FAM3B: variants seen among roughly 807,000 people sequenced by gnomAD.
FAM3B encodes FAM3 metabolism regulating signaling molecule B.
A neutral mutation model predicts 28.4 loss-of-function variants in FAM3B; 29 were observed. That is an observed-to-expected ratio of 1.02 (90% CI 0.76 to 1.39). The LOEUF is 1.39. FAM3B is among the 40% of genes most tolerant of loss of function. The probability of loss-of-function intolerance (pLI) is 0.00; values close to 1 mark genes in which losing one functional copy is unlikely to be tolerated. For missense variants in FAM3B, 266 were observed against 293.9 expected (o/e 0.91, Z 0.69); for synonymous variants, 91 against 103.0 (o/e 0.88, Z 0.71).
At position 41,323,048 on chromosome 21, in the gene FAM3B, G is replaced by C. The variant is rs1456561302; in HGVS notation, c.145G>C (p.Glu49Gln). 6.2e-7 allele frequency: 1 copy of C among 1,605,846 alleles called. No homozygotes were observed. Among genetic ancestry groups the C allele is most frequent in the South Asian group, 1.1e-5 (1 of 91,078 alleles). Residue 49 changes from glutamate to glutamine, a missense_variant, in exon 2 of 8, where the codon GAG becomes CAG. Transcript: ENST00000357985. The stretch of plus-strand genomic sequence containing the variant: ...TGCCTATAGCATCCGCAGCATCGGG[G>C]AGAGGCCTGTCCTCAAAGGTGAGTG... ...SAAYSIRSIG[E>Q]RPVLKAPVPK...
Position 41,320,086 on chromosome 21 carries a change from C to T in FAM3B, c.20-2837C>T, listed in dbSNP as rs192977646. 5 of 152,142 alleles carry T rather than the reference C, an allele frequency of 3.3e-5. No individual in the cohort carries two copies. The East Asian group carries it at 9.7e-4, about 29-fold the overall frequency. 9.4% of individuals were successfully genotyped at this position (152,142 alleles called of 1,614,324 possible). A position where few individuals can be genotyped will look rare whatever the true frequency, so the allele number is the denominator to read the frequency against. ...AACTTGATCTTGGACTTCCAGCCTC[C>T]AGAATCTTGAGAAAATAAATTTCAA... On this transcript the variant is annotated intron_variant, in intron 1 of 7. Coordinates refer to ENST00000357985, the MANE Select transcript of FAM3B (RefSeq NM_058186.4).
intron 3 of FAM3B, among the ~76,000 whole-genome samples, chr21:41,343,211 C>CT (rs2089023440): frequency 6.6e-6 from 1 of 152,208 alleles, no homozygotes; most frequent in African/African-American, 2.4e-5. Flanking sequence ...AAGGGCTGTT[C>CT]ACTTCCTTAC....
chr21:41,351,264 G>A (rs1378051426), intron 7 of FAM3B, among the ~76,000 whole-genome samples: 1 of 152,204 alleles, frequency 6.6e-6, no homozygotes, highest in Non-Finnish European at 1.5e-5. Flanking sequence ...GAAAAAGACT[G>A]GACGTCAAAG....
intron 2 of FAM3B, among the ~76,000 whole-genome samples, chr21:41,337,746 C>G (rs1353316367): frequency 6.6e-6 from 1 of 150,696 alleles, no homozygotes; most frequent in Non-Finnish European, 1.5e-5. Flanking sequence ...GTGGTGAGTA[C>G]ATGGTGTGTG....
At chr21:41,349,446 GCGAGA>G (rs2145831308) in intron 7 of FAM3B, among the ~76,000 whole-genome samples, 1 of 152,250 alleles carries the variant, frequency 6.6e-6, no homozygotes, top group South Asian at 2.1e-4. Context: ...TGACCAAGGC[GCGAGA>G]CTTCCCCACT....
At chr21:41,329,446 G>A (rs1211169094) in intron 2 of FAM3B, among the ~76,000 whole-genome samples, 2 of 152,178 alleles carry the variant, frequency 1.3e-5, no homozygotes, top group African/African-American at 4.8e-5. Context: ...TCATCAGATT[G>A]ACTGTCACAG....
chr21:41,325,516 C>T (rs2088847934), intron 2 of FAM3B, among the ~76,000 whole-genome samples: 1 of 152,154 alleles, frequency 6.6e-6, no homozygotes, highest in Admixed American at 6.5e-5. Context: ...GTTCCCAAAT[C>T]AGGAAGTATT....
chr21:41,312,271 C>T (rs1340773291), upstream of FAM3B, among the ~76,000 whole-genome samples: 1 of 152,162 alleles, frequency 6.6e-6, no homozygotes, highest in African/African-American at 2.4e-5. Flanking sequence ...ATCTTTCCCC[C>T]TCTAATGATT....
At chr21:41,324,630 C>T (rs2088839946) in intron 2 of FAM3B, among the ~76,000 whole-genome samples, 1 of 152,196 alleles carries the variant, frequency 6.6e-6, no homozygotes, top group African/African-American at 2.4e-5. Flanking sequence ...TTTATTAATT[C>T]AGCAGGTATA....
chr21:41,310,567 G>A (rs1050326042), intron 1 of FAM3B, among the ~76,000 whole-genome samples: 3 of 152,134 alleles, frequency 2.0e-5, no homozygotes, highest in African/African-American at 7.2e-5. Context: ...ATTGAACTAG[G>A]ACCTGTACTT....
intron 3 of FAM3B, 21 bp from the exon 4 acceptor site, chr21:41,344,455 T>A: frequency 6.2e-7 from 1 of 1,613,062 alleles, no homozygotes; most frequent in Non-Finnish European, 8.5e-7. Context: ...GGTACTTGAC[T>A]AATGCTTAGC....
chr21:41,345,797 A>C (rs1428324834), intron 5 of FAM3B, 61 bp downstream of exon 5: 1 of 1,085,900 alleles, frequency 9.2e-7, no homozygotes, highest in Admixed American at 2.0e-5. Context: ...AAGATTAAAA[A>C]GCACAAAGAA....
intron 5 of FAM3B, 120 bp from the exon 6 acceptor site, chr21:41,346,893 G>T: frequency 1.2e-6 from 1 of 855,048 alleles, no homozygotes; most frequent in Non-Finnish European, 2.0e-6. Flanking sequence ...AGCAGCGAGC[G>T]CTGGGACCCC....
chr21:41,352,663 G>A (rs1200184777), intron 7 of FAM3B, among the ~76,000 whole-genome samples: 2 of 151,968 alleles, frequency 1.3e-5, no homozygotes, highest in Non-Finnish European at 2.9e-5. Context: ...GCATGGTGGC[G>A]GGCGCCTGTA....
chr21:41,316,821 G>T lies in FAM3B; in HGVS notation c.-59G>T. On this transcript the variant is annotated 5_prime_UTR_variant, in exon 1 of 8. Coordinates refer to ENST00000357985, the MANE Select transcript of FAM3B (RefSeq NM_058186.4). Reference sequence around the variant, plus strand: ...CTTGCCTTCCTGACCCAGGGGCTCCGCTGGCTGCGGTCGCCTGGGAGCTGC... The same window carrying T: ...CTTGCCTTCCTGACCCAGGGGCTCCTCTGGCTGCGGTCGCCTGGGAGCTGC... 2.8e-6 allele frequency: 4 copies of T among 1,418,754 alleles called. No homozygotes were observed. Among genetic ancestry groups the T allele is most frequent in the Non-Finnish European group, 9.2e-7 (1 of 1,088,670 alleles). The allele number at this position is 1,418,754 out of a possible 1,614,324, so 87.9% of individuals were successfully genotyped here. A position where few individuals can be genotyped will look rare whatever the true frequency, so the allele number is the denominator to read the frequency against.
upstream of FAM3B, among the ~76,000 whole-genome samples, chr21:41,312,722 A>AGTGTGTGTGTGTGTGT (rs10580404): frequency 0.01 from 1,525 of 148,304 alleles, 14 homozygotes; most frequent in South Asian, 0.032. Context: ...TGTGTGTGAG[A>AGTGTGTGTGTGTGTGT]GTGTGTGTGT....
intron 6 of FAM3B, among the ~76,000 whole-genome samples, chr21:41,348,016 T>G (rs1401309405): frequency 6.6e-6 from 1 of 152,216 alleles, no homozygotes; most frequent in Non-Finnish European, 1.5e-5. Flanking sequence ...TGAAGTTCCT[T>G]GGCACATACT....
chr21:41,338,633 G>A (rs2088977416), intron 3 of FAM3B, 132 bp downstream of exon 3: 3 of 1,206,640 alleles, frequency 2.5e-6, no homozygotes, highest in Admixed American at 2.7e-5. Context: ...AAGGCTGAGA[G>A]CATCCAAGTG....
intron 7 of FAM3B, among the ~76,000 whole-genome samples, chr21:41,356,446 G>A (rs1452739941): frequency 6.6e-6 from 1 of 152,160 alleles, no homozygotes; most frequent in Non-Finnish European, 1.5e-5. Flanking sequence ...AGTGTCTCAT[G>A]GAATTTATTG....
Sources: gnomAD v4.1 joint callset for allele counts (sites outside exome capture counted in the v4.1 genomes callset) on GRCh38, gnomAD v4.1.1 for gene constraint, MANE v1.5 for transcripts, NCBI Gene and HGNC (gene_info 2026-07-23, HGNC 2026-07-21) for gene names.